SLC6A16: variants seen among roughly 807,000 people sequenced by gnomAD.
The protein encoded by SLC6A16 is orphan sodium- and chloride-dependent neurotransmitter transporter NTT5.
A neutral mutation model predicts 65.4 loss-of-function variants in SLC6A16; 54 were observed. That is an observed-to-expected ratio of 0.83 (90% CI 0.66 to 1.04). The LOEUF is 1.04. Ranked by LOEUF, SLC6A16 falls within the 50% of genes least tolerant of loss-of-function variation. The pLI is 0.00. For synonymous variants in SLC6A16, 330 were observed against 346.5 expected (o/e 0.95, Z 0.53); for missense variants, 816 against 914.0 (o/e 0.89, Z 1.38).
chr19:49,331,616 C>G, the SLC6A16 span: 2 of 369,742 alleles, frequency 5.4e-6, no homozygotes, highest in Admixed American at 6.9e-5. Flanking sequence ...TTGTTACTTA[C>G]ATAAAGTCCA....
At chr19:49,307,736 AAAAG>A (rs1226535901) in intron 7 of SLC6A16, among the ~76,000 whole-genome samples, 35 of 118,130 alleles carry the variant, frequency 3.0e-4, no homozygotes, top group African/African-American at 1.2e-3. Context: ...AAAAAAAAGA[AAAAG>A]AAAAAAAAGA....
In SLC6A16 at chr19:49,292,467, C is replaced by T. The variant is rs1454162782; in HGVS notation, c.1778+756G>A. On this transcript the variant is annotated intron_variant, in intron 10 of 11. Coordinates refer to ENST00000335875, the MANE Select transcript of SLC6A16 (RefSeq NM_014037.3). This position sits in a 1 kb window ranked among gnomAD's most constrained non-coding sequence, Gnocchi z 4.3. ...GTTCTCCAGACAGCAGCCATAAATACCTTTTTAAAAAACAAATCTAATAAT... is the reference window on the plus strand; with the variant it reads ...GTTCTCCAGACAGCAGCCATAAATATCTTTTTAAAAAACAAATCTAATAAT... 6.6e-6 allele frequency among the ~76,000 whole-genome samples: 1 copy of T among 152,206 alleles called. No individual in the cohort carries two copies. Among genetic ancestry groups the T allele is most frequent in the South Asian group, 2.1e-4 (1 of 4,828 alleles).
chr19:49,338,019 T>A, the SLC6A16 span: 5 of 1,613,874 alleles, frequency 3.1e-6, no homozygotes, highest in Non-Finnish European at 4.2e-6. The surrounding 1 kb of genome is among the most constrained non-coding windows in gnomAD (Gnocchi z 5.0). Context: ...TGGGACTATG[T>A]GCAGTTCCAG....
chr19:49,290,705 C>T lies in SLC6A16; in HGVS notation c.1841G>A (p.Trp614Ter). ...CAGCACAACTGGACACAGATGGGGC[C>T]ACAGCCAACCAAAGATGGGAGAGAT... ...HPISPIFGWL[W>*]PHLCPVVLLI... Residue 614 changes from tryptophan (W) to a stop codon, truncating the protein, a stop_gained, in exon 11 of 12, where the codon TGG becomes TAG. Transcript: ENST00000335875. LOFTEE classifies it high-confidence loss of function. 1 of 1,613,704 alleles carries T rather than the reference C, an allele frequency of 6.2e-7. No individual in the cohort carries two copies. The highest frequency in any genetic ancestry group is 8.5e-7 in the Non-Finnish European group (1 of 1,179,868).
At chr19:49,328,992 A>G (rs1201584989), upstream of SLC6A16, among the ~76,000 whole-genome samples, 1 of 152,230 alleles carries the variant, frequency 6.6e-6, no homozygotes, top group African/African-American at 2.4e-5. Flanking sequence ...GCCCCAGCCA[A>G]CATCTTGACT....
At chr19:49,335,843 G>A in the SLC6A16 span, 2 of 1,399,406 alleles carry the variant, frequency 1.4e-6, no homozygotes, top group Non-Finnish European at 2.0e-6. The surrounding 1 kb of genome is among the most constrained non-coding windows in gnomAD (Gnocchi z 4.6). Flanking sequence ...ACTTCCTGGG[G>A]TCTCCCTTGT....
rs1489291677 is a variant in SLC6A16 at position 49,311,300 on chromosome 19, T to C, written c.48A>G (p.Ser16=). The C allele has an allele frequency of 3.1e-6, 5 of 1,607,688 alleles. No homozygotes were observed. The highest frequency in any genetic ancestry group is 2.7e-5 in the African/African-American group (2 of 74,768). The part of the protein sequence containing the change: ...QPSTSLLANT[S]WTGTVISDSV... ...TGTCAGAAATCACTGTGCCAGTCCATGAGGTGTTTGCCAGCAAGGATGTCG... is the reference window on the plus strand; with the variant it reads ...TGTCAGAAATCACTGTGCCAGTCCACGAGGTGTTTGCCAGCAAGGATGTCG... The change falls in exon 2 of 12, where the codon TCA becomes TCG. Residue 16 remains serine (S), a synonymous_variant. Coordinates refer to ENST00000335875, the MANE Select transcript of SLC6A16 (RefSeq NM_014037.3).
At chr19:49,308,326 A>C (rs1276153502) in intron 7 of SLC6A16, among the ~76,000 whole-genome samples, 2 of 152,172 alleles carry the variant, frequency 1.3e-5, no homozygotes, top group East Asian at 3.9e-4. Flanking sequence ...GGTGATGGGC[A>C]CCTGTAGTCC....
At chr19:49,309,467 G>A in intron 5 of SLC6A16, 56 bp from the exon 6 acceptor site, 1 of 1,413,278 alleles carries the variant, frequency 7.1e-7, no homozygotes. Context: ...TCAACCAACA[G>A]TTAGGAGGGA....
At position 49,302,036 on chromosome 19, in the gene SLC6A16, G is replaced by A. The variant is rs377281762; in HGVS notation, c.1229+6840C>T. 3.9e-4 allele frequency among the ~76,000 whole-genome samples: 60 copies of A among 152,294 alleles called. No individual in the cohort carries two copies. In the South Asian group the frequency reaches 9.5e-3, roughly 24 times the overall value. On this transcript the variant is annotated intron_variant, in intron 7 of 11. Coordinates refer to ENST00000335875, the MANE Select transcript of SLC6A16 (RefSeq NM_014037.3). ...TGCAACTGCCCACGTACATGCAGAT[G>A]GACTGACCTCTGTGGCCAGACTGCA...
chr19:49,323,853 C>A (rs139663039), intron 1 of SLC6A16, among the ~76,000 whole-genome samples: 1,819 of 152,264 alleles, frequency 0.012, 23 homozygotes, highest in Non-Finnish European at 0.018. Flanking sequence ...AGCAATTCCA[C>A]TTCTGGGTAT....
At chr19:49,314,310 T>C (rs888445864) in intron 1 of SLC6A16, among the ~76,000 whole-genome samples, 6 of 152,086 alleles carry the variant, frequency 3.9e-5, no homozygotes, top group African/African-American at 1.4e-4. Flanking sequence ...GGGATACAAC[T>C]CAGGAAAAGG....
chr19:49,313,031 C>T (rs1019388874), intron 1 of SLC6A16, among the ~76,000 whole-genome samples: 6 of 136,850 alleles, frequency 4.4e-5, no homozygotes, highest in African/African-American at 5.9e-5. Context: ...TGCAATGAGC[C>T]GAGATCGCAC....
At chr19:49,295,683 C>G (rs184129376) in intron 7 of SLC6A16, among the ~76,000 whole-genome samples, 29 of 152,308 alleles carry the variant, frequency 1.9e-4, no homozygotes, top group African/African-American at 6.3e-4. Context: ...TCCAAAGATA[C>G]TTTGTCCCAA....
chr19:49,311,025 C>T lies in SLC6A16; in HGVS notation c.323G>A (p.Ser108Asn). The change falls in exon 2 of 12, where the codon AGC becomes AAC. Residue 108 changes from serine (S) to asparagine (N), a missense_variant. By Grantham distance (46) the Ser-to-Asn change is conservative (BLOSUM62 1). Coordinates refer to ENST00000335875, the MANE Select transcript of SLC6A16 (RefSeq NM_014037.3). ...CTGAGCCAGAATATACTCAGTTTTG[C>T]TGGACCAGAACGGACGGGCAAGGAG... ...EVLLARPFWS[S>N]KTEYILAQVG... The T allele has an allele frequency of 6.2e-7, 1 of 1,614,218 alleles. No homozygotes were observed. Among genetic ancestry groups the T allele is most frequent in the East Asian group, 2.2e-5 (1 of 44,884 alleles).
At chr19:49,336,926 C>G in the SLC6A16 span, 6 of 1,614,080 alleles carry the variant, frequency 3.7e-6, no homozygotes, top group Non-Finnish European at 4.2e-6. Flanking sequence ...CTTCGTGCCT[C>G]TGCAGATCTG....
At chr19:49,319,006 C>A (rs1009090841) in intron 1 of SLC6A16, among the ~76,000 whole-genome samples, 5 of 151,270 alleles carry the variant, frequency 3.3e-5, no homozygotes, top group African/African-American at 1.2e-4. Flanking sequence ...AGCCTCCATG[C>A]CTAGCCATGA....
chr19:49,327,700 A>C (rs1970812708), upstream of SLC6A16, among the ~76,000 whole-genome samples: 1 of 152,246 alleles, frequency 6.6e-6, no homozygotes, highest in Admixed American at 6.5e-5. Context: ...AAGAGTGCTG[A>C]TAGGGAGTTA....
the SLC6A16 span, chr19:49,336,239 A>C: frequency 3.3e-4 from 57 of 172,794 alleles, no homozygotes; most frequent in Non-Finnish European, 6.3e-4. Flanking sequence ...TGGGTTGAAC[A>C]CATGTCCTCA....
Sources: gnomAD v4.1 joint callset for allele counts (sites outside exome capture counted in the v4.1 genomes callset) on GRCh38, gnomAD v4.1.1 for gene constraint, Gnocchi (gnomAD v3.1) non-coding constraint, MANE v1.5 for transcripts, NCBI Gene and HGNC (gene_info 2026-07-23, HGNC 2026-07-21) for gene names.